The following ANKRD13B variants were observed in gnomAD, a reference collection of about 807,000 sequenced individuals.
The protein encoded by ANKRD13B is ankyrin repeat domain-containing protein 13B.
ANKRD13B carries 33 observed loss-of-function variants against 74.4 expected under a neutral mutation model. The observed-to-expected ratio is 0.44, with a 90% CI of 0.34 to 0.59. The LOEUF (loss-of-function observed/expected upper bound fraction) is 0.59, where lower values mean the gene tolerates loss of function less well. Among genes scored for constraint, ANKRD13B ranks in the 20% least tolerant of loss-of-function variants. ANKRD13B has a pLI of 0.02. For missense variants in ANKRD13B, 676 were observed against 877.9 expected, an observed-to-expected ratio of 0.77 and a Z score of 2.91; for synonymous variants, 341 against 362.9, an observed-to-expected ratio of 0.94 and a Z score of 0.68.
chr17:29,593,793 T>C, intron 1 of ANKRD13B, 58 bp downstream of exon 1: 1 of 1,071,036 alleles, frequency 9.3e-7, no homozygotes, highest in Non-Finnish European at 1.2e-6. Flanking sequence ...CCGTCCGGCC[T>C]GGGGAGGGGG....
intron 1 of ANKRD13B, among the ~76,000 whole-genome samples, chr17:29,598,399 G>A (rs1023049171): frequency 2.6e-5 from 4 of 151,740 alleles, no homozygotes; most frequent in Non-Finnish European, 4.4e-5. Context: ...TCCTTGCTCC[G>A]CCTCTCCCAC....
In ANKRD13B at chr17:29,610,809, C is replaced by T. The variant is rs768537542; in HGVS notation, c.904+43C>T. 4.5e-5 allele frequency: 71 copies of T among 1,581,968 alleles called. No individual in the cohort carries two copies. In the East Asian group the frequency reaches 9.4e-4, roughly 21 times the overall value. ...GATGGGGAGAGGTGTTGCAGGACTG[C>T]GGGAACCAGCTCCCACTTCAGTGCT... On this transcript the variant is annotated intron_variant, in intron 8 of 14. Transcript: ENST00000394859.
At chr17:29,598,236 A>T (rs2034029040) in intron 1 of ANKRD13B, among the ~76,000 whole-genome samples, 1 of 152,240 alleles carries the variant, frequency 6.6e-6, no homozygotes, top group South Asian at 2.1e-4. Flanking sequence ...GGCTCCCAGT[A>T]TATTGAAAAA....
Position 29,609,307 on chromosome 17 carries a change from C to G in ANKRD13B, c.755+32C>G. ...GGACATGGCCTTGGTCACCCTTGAGCCAGCCCGGTGGGGTGCCTGCCTCAC... is the reference window on the plus strand; with the variant it reads ...GGACATGGCCTTGGTCACCCTTGAGGCAGCCCGGTGGGGTGCCTGCCTCAC... On this transcript the variant is annotated intron_variant, in intron 6 of 14. Transcript: ENST00000394859. This position sits in a 1 kb window ranked among gnomAD's most constrained non-coding sequence, Gnocchi z 4.0. 6.2e-7 allele frequency: 1 copy of G among 1,612,760 alleles called. No individual in the cohort carries two copies. Among genetic ancestry groups the G allele is most frequent in the Non-Finnish European group, 8.5e-7 (1 of 1,179,626 alleles).
At chr17:29,595,853 G>A (rs2033934933) in intron 1 of ANKRD13B, among the ~76,000 whole-genome samples, 1 of 152,168 alleles carries the variant, frequency 6.6e-6, no homozygotes, top group Admixed American at 6.5e-5. Context: ...CGTGTAGGTG[G>A]GAGAGTTCCC....
chr17:29,595,602 G>A (rs748907749), intron 1 of ANKRD13B, among the ~76,000 whole-genome samples: 1 of 152,094 alleles, frequency 6.6e-6, no homozygotes, highest in Non-Finnish European at 1.5e-5. Context: ...AGGTAGAGGT[G>A]TTGGGGGCTG....
At position 29,612,316 on chromosome 17, in the gene ANKRD13B, A is replaced by C; in HGVS notation, c.1258+43A>C. 1 of 1,612,200 alleles carries C rather than the reference A, an allele frequency of 6.2e-7. No homozygotes were observed. The highest frequency in any genetic ancestry group is 8.5e-7 in the Non-Finnish European group (1 of 1,178,732). On this transcript the variant is annotated intron_variant, in intron 11 of 14. Transcript: ENST00000394859. The surrounding 1 kb of genome is among the most constrained non-coding windows in gnomAD (Gnocchi z 6.1). Reference sequence around the variant, plus strand: ...TTTCTCCTGAGCCCGTGGCGGGCCGACCGGGGTTTAGATGAGGTCGGGGTG... The same window carrying C: ...TTTCTCCTGAGCCCGTGGCGGGCCGCCCGGGGTTTAGATGAGGTCGGGGTG...
At chr17:29,606,473 G>T (rs2034379886) in intron 1 of ANKRD13B, among the ~76,000 whole-genome samples, 1 of 151,792 alleles carries the variant, frequency 6.6e-6, no homozygotes, top group Non-Finnish European at 1.5e-5. Flanking sequence ...CACAAGAATC[G>T]CTTGAACCTG....
At position 29,611,470 on chromosome 17, in the gene ANKRD13B, C is replaced by A; in HGVS notation, c.905-109C>A. ...AGTATGTGGTTGGGTGAGCAGGCCC[C>A]ACCCCAGGAACCGGCCTCCTCCCTA... On this transcript the variant is annotated intron_variant, in intron 8 of 14. Coordinates refer to ENST00000394859, the MANE Select transcript of ANKRD13B (RefSeq NM_152345.5). The surrounding 1 kb of genome is among the most constrained non-coding windows in gnomAD (Gnocchi z 4.3). 2 of 1,170,582 alleles carry A rather than the reference C, an allele frequency of 1.7e-6. No homozygotes were observed. The highest frequency in any genetic ancestry group is 2.5e-6 in the Non-Finnish European group (2 of 790,898). 72.5% of individuals were successfully genotyped at this position (1,170,582 alleles called of 1,614,324 possible).
At chr17:29,596,098 G>T (rs1450469349) in intron 1 of ANKRD13B, among the ~76,000 whole-genome samples, 1 of 152,236 alleles carries the variant, frequency 6.6e-6, no homozygotes. Flanking sequence ...GCACTCAGGA[G>T]CCAGGTTTCC....
chr17:29,613,755 G>T lies in ANKRD13B; in HGVS notation c.*173G>T. The T allele has an allele frequency of 1.8e-6, 2 of 1,118,292 alleles. No individual in the cohort carries two copies. The highest frequency in any genetic ancestry group is 3.8e-5 in the South Asian group (2 of 52,318). The allele number at this position is 1,118,292 out of a possible 1,614,324, so 69.3% of individuals were successfully genotyped here. On this transcript the variant is annotated 3_prime_UTR_variant, in exon 15 of 15. Coordinates refer to ENST00000394859, the MANE Select transcript of ANKRD13B (RefSeq NM_152345.5). ...GGGAGGGATTCGGCATGGCCGCGGG[G>T]TACCTTCCCAGGCCAGGGCCCTGGA...
At position 29,611,661 on chromosome 17, in the gene ANKRD13B, T is replaced by C. The variant is rs773292289; in HGVS notation, c.969+18T>C. ...AAAATGGGGTGAGTGTGTGCAGGGG[T>C]ACCCGTAAGTGGAGGGATGTGGATG... On this transcript the variant is annotated intron_variant, in intron 9 of 14. Transcript: ENST00000394859. This position sits in a 1 kb window ranked among gnomAD's most constrained non-coding sequence, Gnocchi z 4.3. The C allele has an allele frequency of 1.2e-6, 2 of 1,612,732 alleles. No homozygotes were observed. Among genetic ancestry groups the C allele is most frequent in the South Asian group, 2.2e-5 (2 of 91,054 alleles).
intron 1 of ANKRD13B, among the ~76,000 whole-genome samples, chr17:29,605,123 T>C (rs1338893157): frequency 6.6e-6 from 1 of 152,194 alleles, no homozygotes; most frequent in Admixed American, 6.5e-5. Context: ...CTGGAGTTTT[T>C]TGAGTAGTTT....
chr17:29,606,485 G>C (rs1046902984), intron 1 of ANKRD13B, among the ~76,000 whole-genome samples: 3 of 152,040 alleles, frequency 2.0e-5, no homozygotes, highest in African/African-American at 7.2e-5. Flanking sequence ...TTGAACCTGG[G>C]AGGCGGAAGT....
rs771687136 is a variant in ANKRD13B, at chr17:29,610,669, C to T, written c.823-16C>T. 1.2e-6 allele frequency: 2 copies of T among 1,613,098 alleles called. No individual in the cohort carries two copies. Among genetic ancestry groups the T allele is most frequent in the Non-Finnish European group, 1.7e-6 (2 of 1,179,488 alleles). ...GACCAGAACTGCTTATGAGCCCTTT[C>T]TTCATCTGTCCCCAGGTGTATGGGG... On this transcript the variant is annotated splice_polypyrimidine_tract_variant and intron_variant, in intron 7 of 14. Transcript: ENST00000394859.
chr17:29,607,651 G>C (rs1314528496), intron 1 of ANKRD13B, 91 bp from the exon 2 acceptor site: 2 of 1,497,680 alleles, frequency 1.3e-6, no homozygotes, highest in Non-Finnish European at 1.8e-6. Context: ...GCAGGGGGTG[G>C]GGGTTGCTGC....
In ANKRD13B at chr17:29,608,900, G is replaced by A; in HGVS notation, c.471G>A (p.Lys157=). The A allele has an allele frequency of 6.2e-7, 1 of 1,614,136 alleles. No individual in the cohort carries two copies. The highest frequency in any genetic ancestry group is 1.1e-5 in the South Asian group (1 of 91,092). The change falls in exon 5 of 15, where the codon AAG becomes AAA. Residue 157 remains lysine (K), a synonymous_variant. Coordinates refer to ENST00000394859, the MANE Select transcript of ANKRD13B (RefSeq NM_152345.5). This position sits in a 1 kb window ranked among gnomAD's most constrained non-coding sequence, Gnocchi z 6.4. ...CTAGTGACACCTACAAAGTGTGGAA[G>A]AGCGGCCAGAACCTGAGGGTAGACA... The part of the protein sequence containing the change: ...ICPSDTYKVW[K]SGQNLRVDTT...
chr17:29,607,245 CTGTG>C (rs1446040387), intron 1 of ANKRD13B, among the ~76,000 whole-genome samples: 1 of 152,212 alleles, frequency 6.6e-6, no homozygotes, highest in Non-Finnish European at 1.5e-5. Flanking sequence ...TCATTCCTGT[CTGTG>C]TATTACTGTA....
At chr17:29,610,997 G>A (rs1200158095) in intron 8 of ANKRD13B, among the ~76,000 whole-genome samples, 1 of 152,250 alleles carries the variant, frequency 6.6e-6, no homozygotes, top group East Asian at 1.9e-4. Flanking sequence ...CATGCTGCAA[G>A]TGATTACTAA....
Sources: gnomAD v4.1 joint callset for allele counts (sites outside exome capture counted in the v4.1 genomes callset) on GRCh38, gnomAD v4.1.1 for gene constraint, Gnocchi (gnomAD v3.1) non-coding constraint, MANE v1.5 for transcripts, NCBI Gene and HGNC (gene_info 2026-07-23, HGNC 2026-07-21) for gene names.